Variants in TMTC2 observed in about 807,000 individuals in gnomAD.
The protein encoded by TMTC2 is transmembrane O-mannosyltransferase targeting cadherins 2.
A neutral mutation model predicts 82.4 loss-of-function variants in TMTC2; 43 were observed. The observed-to-expected ratio is 0.52, with a 90% CI of 0.41 to 0.67. The LOEUF (loss-of-function observed/expected upper bound fraction) is 0.67, where lower values mean the gene tolerates loss of function less well. Among genes scored for constraint, TMTC2 ranks in the 30% least tolerant of loss-of-function variants. The pLI, the probability that TMTC2 is intolerant of heterozygous loss-of-function variation, is 0.00. For missense variants in TMTC2, 919 were observed against 1,012.4 expected (o/e 0.91, Z 1.25); for synonymous variants, 408 against 381.9 (o/e 1.07, Z -0.80).
intron 7 of TMTC2, among the ~76,000 whole-genome samples, chr12:82,971,743 G>A (rs1206719952): frequency 6.6e-6 from 1 of 151,310 alleles, no homozygotes; most frequent in African/African-American, 2.4e-5. Flanking sequence ...TACGGAGTAA[G>A]AGAGAGCCTA....
intron 11 of TMTC2, among the ~76,000 whole-genome samples, chr12:83,124,001 T>C (rs1049059506): frequency 3.4e-4 from 52 of 152,210 alleles, no homozygotes; most frequent in Non-Finnish European, 1.9e-4. Context: ...GTAAACTCCT[T>C]AAGGGCAGTG....
intron 1 of TMTC2, among the ~76,000 whole-genome samples, chr12:82,771,844 G>A (rs1211611910): frequency 6.6e-6 from 1 of 152,056 alleles, no homozygotes; most frequent in African/African-American, 2.4e-5. Context: ...TAGGTAGATA[G>A]GAAGGAAAGT....
At chr12:82,837,450 A>G (rs777500155) in intron 1 of TMTC2, among the ~76,000 whole-genome samples, 7 of 152,186 alleles carry the variant, frequency 4.6e-5, no homozygotes, top group Non-Finnish European at 7.4e-5. Context: ...TCTAAAAACA[A>G]AACAAAAAAA....
At chr12:82,880,663 G>C (rs970554479) in intron 2 of TMTC2, among the ~76,000 whole-genome samples, 5 of 152,264 alleles carry the variant, frequency 3.3e-5, no homozygotes, top group African/African-American at 9.6e-5. Flanking sequence ...CAAGGGCCCT[G>C]AGCCAGTCAA....
chr12:82,869,778 G>A lies in TMTC2; in HGVS notation c.654+12198G>A, dbSNP rs559985682. Among the ~76,000 whole-genome samples the A allele has an allele frequency of 9.2e-5, 14 of 151,720 alleles. 1 individual carries two copies. The South Asian group carries it at 2.1e-3, about 23-fold the overall frequency. ...CACTTCAGTCCAGGAAGTGGAGGCC[G>A]CAGTGAGCCATGATTGCACCACTGT... On this transcript the variant is annotated intron_variant, in intron 2 of 11. Transcript: ENST00000321196.
intron 3 of TMTC2, among the ~76,000 whole-genome samples, chr12:82,916,746 A>AT (rs35200283): frequency 0.95 from 144,438 of 152,240 alleles, 68,572 homozygotes; most frequent in East Asian, 1. Context: ...GAAGTACTAA[A>AT]TTTTATGTTT....
intron 7 of TMTC2, among the ~76,000 whole-genome samples, chr12:82,981,045 G>A (rs917869638): frequency 3.3e-5 from 5 of 151,842 alleles, no homozygotes; most frequent in Non-Finnish European, 7.4e-5. Flanking sequence ...TAACCTTTAT[G>A]TATACCATCA....
chr12:82,924,160 C>A (rs1216217405), intron 3 of TMTC2, among the ~76,000 whole-genome samples: 3 of 152,164 alleles, frequency 2.0e-5, no homozygotes, highest in Non-Finnish European at 4.4e-5. Flanking sequence ...TAAAAGTTGG[C>A]TTAACTACTT....
chr12:82,916,919 C>A (rs1358082682), intron 3 of TMTC2, among the ~76,000 whole-genome samples: 1 of 152,110 alleles, frequency 6.6e-6, no homozygotes, highest in Non-Finnish European at 1.5e-5. Flanking sequence ...GAATCATGAT[C>A]TTTAAATCAT....
chr12:83,077,822 T>C (rs112303795), intron 11 of TMTC2, among the ~76,000 whole-genome samples: 6,665 of 149,652 alleles, frequency 0.045, 175 homozygotes, highest in East Asian at 0.089. Flanking sequence ...ATCCACCTAC[T>C]TCGGCCTCCC....
intron 2 of TMTC2, among the ~76,000 whole-genome samples, chr12:82,895,178 G>GT (rs1028712130): frequency 6.6e-6 from 1 of 152,022 alleles, no homozygotes; most frequent in African/African-American, 2.4e-5. Context: ...CATGAGGAGT[G>GT]TTTTTGAGTG....
chr12:82,987,566 G>T (rs1879213733), intron 8 of TMTC2, among the ~76,000 whole-genome samples: 1 of 151,840 alleles, frequency 6.6e-6, no homozygotes, highest in Non-Finnish European at 1.5e-5. Context: ...AGTAGTAAGA[G>T]AAGTTCCTAG....
In TMTC2 at chr12:82,976,318, G is replaced by A. The variant is rs532636451; in HGVS notation, c.1948+9321G>A. ...TTTGATGGAACATCAGATGTTTCTGGTATATGACCTTATATTAGAAATTAG... is the reference window on the plus strand; with the variant it reads ...TTTGATGGAACATCAGATGTTTCTGATATATGACCTTATATTAGAAATTAG... On this transcript the variant is annotated intron_variant, in intron 7 of 11. Transcript: ENST00000321196. Among the ~76,000 whole-genome samples the A allele has an allele frequency of 9.2e-5, 14 of 152,000 alleles. No homozygotes were observed. In the South Asian group the frequency reaches 2.9e-3, roughly 32 times the overall value.
chr12:82,753,875 C>G (rs980566407), intron 1 of TMTC2, among the ~76,000 whole-genome samples: 1 of 152,164 alleles, frequency 6.6e-6, no homozygotes, highest in Non-Finnish European at 1.5e-5. Flanking sequence ...AAAAATAAAG[C>G]GTACTATATT....
At chr12:83,053,027 A>G (rs575025282) in intron 10 of TMTC2, among the ~76,000 whole-genome samples, 1 of 152,186 alleles carries the variant, frequency 6.6e-6, no homozygotes, top group South Asian at 2.1e-4. Context: ...AAATTCAAGC[A>G]TTTCTGTAGT....
chr12:82,901,556 C>A (rs7308132), intron 3 of TMTC2, among the ~76,000 whole-genome samples: 5,435 of 151,934 alleles, frequency 0.036, 333 homozygotes, highest in African/African-American at 0.12. Context: ...CCCGCCTCGG[C>A]CTCCCAAAGT....
At position 82,689,362 on chromosome 12, in the gene TMTC2, C is replaced by G. The variant is rs181862044; in HGVS notation, c.83+1693C>G. 1.0e-3 allele frequency among the ~76,000 whole-genome samples: 148 copies of G among 148,388 alleles called. 1 individual carries two copies. The highest frequency in any genetic ancestry group is 2.7e-3 in the Admixed American group (40 of 14,888). The stretch of plus-strand genomic sequence containing the variant: ...GATGGGTGACTTTTCACTAAAACCA[C>G]CTTGGGTCAGTGTGGGCAGTTACTG... On this transcript the variant is annotated intron_variant, in intron 1 of 11. Coordinates refer to ENST00000321196, the MANE Select transcript of TMTC2 (RefSeq NM_152588.3).
At chr12:82,712,832 A>C (rs1055680995) in intron 1 of TMTC2, among the ~76,000 whole-genome samples, 3 of 152,204 alleles carry the variant, frequency 2.0e-5, no homozygotes, top group African/African-American at 7.2e-5. Flanking sequence ...CTAACAGAGA[A>C]TCCTCTAACA....
intron 8 of TMTC2, among the ~76,000 whole-genome samples, chr12:82,996,612 G>C (rs781333606): frequency 3.3e-5 from 5 of 152,198 alleles, no homozygotes; most frequent in Non-Finnish European, 7.3e-5. Flanking sequence ...TGACTCATGT[G>C]TAAGTAGGAC....
Sources: allele counts gnomAD v4.1 joint callset (sites outside exome capture counted in the v4.1 genomes callset), GRCh38; gene constraint gnomAD v4.1.1; transcripts MANE v1.5; gene names NCBI Gene and HGNC (gene_info 2026-07-23, HGNC 2026-07-21).